Variants in CMC2 observed in about 807,000 individuals in gnomAD.
CMC2 encodes the protein C-X9-C motif containing 2, also known as COX assembly mitochondrial protein 2 homolog.
In CMC2, 5 loss-of-function variants were observed where a neutral mutation model predicts 7.5. The observed-to-expected ratio is 0.66, with a 90% CI of 0.35 to 1.40. CMC2 has a LOEUF of 1.40. Among genes scored for constraint, CMC2 ranks in the 40% most tolerant of loss-of-function variants. CMC2 has a pLI of 0.04. For synonymous variants in CMC2, 37 were observed against 31.4 expected, an observed-to-expected ratio of 1.18 and a Z score of -0.60; for missense variants, 115 against 92.3, an observed-to-expected ratio of 1.25 and a Z score of -1.01.
chr16:80,997,963 A>T (rs1368077517), intron 1 of CMC2: 2 of 152,232 alleles, frequency 1.3e-5, no homozygotes, highest in Admixed American at 6.5e-5. Context: ...AAAATTTCAA[A>T]TTTAACAGAT....
Position 80,997,382 on chromosome 16 carries a change from A to C in CMC2, c.13T>G (p.Leu5Val). The change falls in exon 2 of 4, where the codon TTA becomes GTA. Residue 5 changes from leucine (L) to valine (V), a missense_variant. Leu to Val is a conservative substitution (Grantham distance 32, BLOSUM62 1). Transcript: ENST00000219400. MHPD[L>V]SPHLHTEECN... ...TCTTCAGTGTGCAAGTGTGGAGATA[A>C]GTCAGGATGCATCTTTAGGAGATGA... The C allele has an allele frequency of 1.2e-6, 2 of 1,612,772 alleles. No individual in the cohort carries two copies. Among genetic ancestry groups the C allele is most frequent in the Admixed American group, 3.3e-5 (2 of 60,028 alleles).
rs1226763832 is a variant in CMC2 at position 81,006,855 on chromosome 16, G to GCCCTCCAC, written c.-165_-158dup. 1.0e-6 allele frequency: 1 copy of GCCCTCCAC among 985,750 alleles called. No individual in the cohort carries two copies. The highest frequency in any genetic ancestry group is 1.7e-5 in the African/African-American group (1 of 57,262). 61.1% of individuals were successfully genotyped at this position (985,750 alleles called of 1,614,324 possible). On this transcript the variant is annotated 5_prime_UTR_variant, in exon 1 of 4. Transcript: ENST00000219400. ...TTGCCAGACGCCGAAACCCAGTGACGCCCTCCACCGCTCCACCGTGCTCCC... is the reference window on the plus strand; with the variant it reads ...TTGCCAGACGCCGAAACCCAGTGACGCCCTCCACCCCTCCACCGCTCCACCGTGCTCCC...
chr16:81,005,893 G>A (rs554387467), intron 1 of CMC2, among the ~76,000 whole-genome samples: 2 of 152,328 alleles, frequency 1.3e-5, no homozygotes, highest in South Asian at 4.1e-4. Flanking sequence ...AATGCACATG[G>A]TAAATGCCCA....
chr16:81,006,322 T>G (rs1969330746), intron 1 of CMC2, among the ~76,000 whole-genome samples: 1 of 152,218 alleles, frequency 6.6e-6, no homozygotes, highest in Non-Finnish European at 1.5e-5. Flanking sequence ...AATTCTCAAT[T>G]GCTAGATAAA....
chr16:80,991,797 T>C, intron 2 of CMC2: 2 of 371,724 alleles, frequency 5.4e-6, no homozygotes, highest in African/African-American at 2.1e-5. Context: ...AATCCAATTA[T>C]GAGGAAAACA....
At chr16:80,999,010 G>C (rs1041017820) in intron 1 of CMC2, 1 of 152,184 alleles carries the variant, frequency 6.6e-6, no homozygotes, top group Non-Finnish European at 1.5e-5. Context: ...AAAGATGGAA[G>C]CATTTCCCTT....
intron 1 of CMC2, 114 bp from the exon 2 acceptor site, chr16:80,997,543 C>T (rs1968525565): frequency 5.3e-6 from 3 of 561,442 alleles, no homozygotes; most frequent in Non-Finnish European, 9.5e-6. Context: ...AACCATTAAC[C>T]AGCTGTGTGA....
In CMC2 at chr16:80,968,150, G is replaced by T. The variant is rs1324463315; in HGVS notation, c.*7943C>A. The stretch of plus-strand genomic sequence containing the variant: ...GTCAATGCTTCTCCAATTTTTATAT[G>T]CATGCAAATCATCTGGGGATTTCAT... On this transcript the variant is annotated 3_prime_UTR_variant, in exon 4 of 4. Coordinates refer to ENST00000219400, the MANE Select transcript of CMC2 (RefSeq NM_020188.5). 6.6e-6 allele frequency: 1 copy of T among 152,172 alleles called. No homozygotes were observed. Among genetic ancestry groups the T allele is most frequent in the African/African-American group, 2.4e-5 (1 of 41,432 alleles). 9.4% of individuals were successfully genotyped at this position (152,172 alleles called of 1,614,324 possible).
rs924473619 is a variant in CMC2 at position 80,980,693 on chromosome 16, C to G, written c.153+1113G>C. 25 of 548,452 alleles carry G rather than the reference C, an allele frequency of 4.6e-5. No homozygotes were observed. The Admixed American group carries it at 5.6e-4, about 12-fold the overall frequency. The allele number at this position is 548,452 out of a possible 1,614,324, so 34.0% of individuals were successfully genotyped here. On this transcript the variant is annotated intron_variant, in intron 3 of 3. Transcript: ENST00000219400. ...CTGCTTGAGGTTAGCAGTTTGAGAC[C>G]AGCCTGGCCAAAACAGTGAGACTCT...
chr16:80,997,585 C>G, intron 1 of CMC2, 156 bp from the exon 2 acceptor site: 1 of 486,846 alleles, frequency 2.1e-6, no homozygotes, highest in African/African-American at 2.0e-5. Context: ...TGAGACAAAG[C>G]TTTCTAATTC....
chr16:80,995,754 G>A (rs1000017223), intron 2 of CMC2, among the ~76,000 whole-genome samples: 1 of 152,152 alleles, frequency 6.6e-6, no homozygotes, highest in African/African-American at 2.4e-5. Flanking sequence ...GTGGTTACCT[G>A]GGCAAGACGT....
At chr16:81,005,237 A>G (rs1256510431) in intron 1 of CMC2, among the ~76,000 whole-genome samples, 2 of 152,188 alleles carry the variant, frequency 1.3e-5, no homozygotes, top group Admixed American at 1.3e-4. Context: ...CCTGGCCAAC[A>G]TGGTGAATCC....
At chr16:81,005,927 A>C (rs141788999) in intron 1 of CMC2, among the ~76,000 whole-genome samples, 109 of 152,332 alleles carry the variant, frequency 7.2e-4, no homozygotes, top group African/African-American at 2.6e-3. Context: ...GAATGTCAGA[A>C]ACTGACAACT....
At position 80,967,828 on chromosome 16, in the gene CMC2, A is replaced by T. The variant is rs1006560870; in HGVS notation, c.*8265T>A. 1 of 152,232 alleles carries T rather than the reference A, an allele frequency of 6.6e-6. No homozygotes were observed. The highest frequency in any genetic ancestry group is 2.4e-5 in the African/African-American group (1 of 41,466). The allele number at this position is 152,232 out of a possible 1,614,324, so 9.4% of individuals were successfully genotyped here. On this transcript the variant is annotated 3_prime_UTR_variant, in exon 4 of 4. Coordinates refer to ENST00000219400, the MANE Select transcript of CMC2 (RefSeq NM_020188.5). ...CTCTACTCGCCAGAGTTGAGGAAAA[A>T]GTAAATGCCCTGAGAATTTCGTAAC...
At chr16:80,989,604 GC>G (rs745324571) in intron 2 of CMC2, among the ~76,000 whole-genome samples, 3 of 152,172 alleles carry the variant, frequency 2.0e-5, no homozygotes, top group Non-Finnish European at 4.4e-5. Flanking sequence ...TTACGGAAGA[GC>G]GGTATTTAAA....
chr16:80,994,106 C>G (rs1968222058), intron 2 of CMC2, among the ~76,000 whole-genome samples: 1 of 152,138 alleles, frequency 6.6e-6, no homozygotes. Flanking sequence ...ATAGAACAGT[C>G]TCTTCAACAT....
At position 80,973,825 on chromosome 16, in the gene CMC2, G is replaced by A. The variant is rs540608851; in HGVS notation, c.*2268C>T. ...TACTCTACAGGGATCAGCAACAGCTGCAACACAAGAGAGTAAGACCTAAAA... is the reference window on the plus strand; with the variant it reads ...TACTCTACAGGGATCAGCAACAGCTACAACACAAGAGAGTAAGACCTAAAA... On this transcript the variant is annotated 3_prime_UTR_variant, in exon 4 of 4. Coordinates refer to ENST00000219400, the MANE Select transcript of CMC2 (RefSeq NM_020188.5). The A allele has an allele frequency of 6.6e-6, 1 of 152,318 alleles. No individual in the cohort carries two copies. The highest frequency in any genetic ancestry group is 6.5e-5 in the Admixed American group (1 of 15,306). 9.4% of individuals were successfully genotyped at this position (152,318 alleles called of 1,614,324 possible). A position where few individuals can be genotyped will look rare whatever the true frequency, so the allele number is the denominator to read the frequency against.
At chr16:80,983,985 A>G (rs1318801205) in intron 2 of CMC2, 2 of 148,824 alleles carry the variant, frequency 1.3e-5, no homozygotes, top group Non-Finnish European at 3.0e-5. Flanking sequence ...CCATCTCAAA[A>G]AAAAAAAGAA....
chr16:80,988,415 G>T, intron 2 of CMC2: 1 of 612,752 alleles, frequency 1.6e-6, no homozygotes, highest in South Asian at 1.9e-5. Flanking sequence ...AGTATTTCTT[G>T]ATGACAGCAG....
Sources: gnomAD v4.1 joint callset for allele counts (sites outside exome capture counted in the v4.1 genomes callset) on GRCh38, gnomAD v4.1.1 for gene constraint, MANE v1.5 for transcripts, NCBI Gene and HGNC (gene_info 2026-07-23, HGNC 2026-07-21) for gene names.